SLC22A25: variants seen among roughly 807,000 people sequenced by gnomAD.
SLC22A25 encodes MGI:2442751, MGI:2385316, MGI:3042283, MGI:3645714, MGI:3605624, MGI:2442750.
In SLC22A25, 44 loss-of-function variants were observed where a neutral mutation model predicts 45.9. The observed-to-expected ratio is 0.96, with a 90% CI of 0.75 to 1.23. The LOEUF (loss-of-function observed/expected upper bound fraction) is 1.23, where lower values mean the gene tolerates loss of function less well. SLC22A25 is among the 50% of genes most tolerant of loss of function. The probability of loss-of-function intolerance (pLI) is 0.00; values close to 1 mark genes in which losing one functional copy is unlikely to be tolerated. For missense variants in SLC22A25, 800 were observed against 666.4 expected (o/e 1.20, Z -2.21); for synonymous variants, 283 against 238.6 (o/e 1.19, Z -1.72).
At position 63,217,614 on chromosome 11, in the gene SLC22A25, T is replaced by G; in HGVS notation, c.628A>C (p.Thr210Pro). Residue 210 changes from threonine (T) to proline (P), a missense_variant, in exon 6 of 12, where the codon ACA becomes CCA. Physicochemically the swap from Thr to Pro is conservative, Grantham distance 38 (BLOSUM62 -1). Coordinates refer to ENST00000306494, the MANE Select transcript of SLC22A25 (RefSeq NM_199352.6). ...CSLRFLAGAA[T>P]FSIIVNTVLL... ...ACAGTATTTACAATGATGCTAAATG[T>G]AGCAGCCCCAGCCAAGAAGCGCAGG... The G allele has an allele frequency of 1.9e-6, 3 of 1,613,800 alleles. No homozygotes were observed. Among genetic ancestry groups the G allele is most frequent in the Non-Finnish European group, 2.5e-6 (3 of 1,179,946 alleles).
rs1010166377 is a variant in SLC22A25 at position 63,162,130 on chromosome 11, A to T, written c.*1694T>A. ...GATGAGATTATTTGATTTTTCCTAT[A>T]GAGTTGTTTGAGCTCCTTATATATT... On this transcript the variant is annotated 3_prime_UTR_variant, in exon 12 of 12. Coordinates refer to ENST00000306494, the MANE Select transcript of SLC22A25 (RefSeq NM_199352.6). Among the ~76,000 whole-genome samples the T allele has an allele frequency of 6.6e-6, 1 of 152,104 alleles. No individual in the cohort carries two copies. Among genetic ancestry groups the T allele is most frequent in the Non-Finnish European group, 1.5e-5 (1 of 68,018 alleles).
At chr11:63,165,583 T>C (rs949100118) in intron 10 of SLC22A25, among the ~76,000 whole-genome samples, 6 of 152,206 alleles carry the variant, frequency 3.9e-5, no homozygotes, top group Admixed American at 3.3e-4. Flanking sequence ...TATGGTGACC[T>C]AATACAAGGC....
rs558335825 is a variant in SLC22A25, at chr11:63,193,718, G to A, written c.831-9901C>T. Among the ~76,000 whole-genome samples, 4 of 152,354 alleles carry A rather than the reference G, an allele frequency of 2.6e-5. No individual in the cohort carries two copies. In the East Asian group the frequency reaches 7.7e-4, roughly 29 times the overall value. On this transcript the variant is annotated intron_variant, in intron 7 of 11. Transcript: ENST00000306494. Reference sequence around the variant, plus strand: ...ACAAAGATGGGGAGAAACAAGAGCAGAAAAGCTGAAAATTCTAATAACCAG... The same window carrying A: ...ACAAAGATGGGGAGAAACAAGAGCAAAAAAGCTGAAAATTCTAATAACCAG...
At chr11:63,174,187 A>G (rs114858308) in intron 9 of SLC22A25, among the ~76,000 whole-genome samples, 1,754 of 152,146 alleles carry the variant, frequency 0.012, 30 homozygotes, top group African/African-American at 0.039. Flanking sequence ...GCTGAGAATG[A>G]GATGGTTTCC....
Position 63,164,585 on chromosome 11 carries a change from A to T in SLC22A25, c.1335T>A (p.Ala445=), listed in dbSNP as rs199548987. 36 of 1,613,796 alleles carry T rather than the reference A, an allele frequency of 2.2e-5. No homozygotes were observed. Among genetic ancestry groups the T allele is most frequent in the Non-Finnish European group, 2.9e-5 (34 of 1,179,860 alleles). Residue 445 remains alanine, a synonymous_variant, in exon 11 of 12, where the codon GCT becomes GCA. Coordinates refer to ENST00000306494, the MANE Select transcript of SLC22A25 (RefSeq NM_199352.6). ...VVLATLGVGA[A]SLGITCSTAQ... ...CAGTAGAACAGGTAATGCCAAGAGA[A>T]GCAGCTCCCACACCCAGGGTTGCCA... is the stretch of plus-strand genomic sequence containing the variant.
chr11:63,184,918 G>C (rs1304690235), intron 7 of SLC22A25, among the ~76,000 whole-genome samples: 2 of 152,110 alleles, frequency 1.3e-5, no homozygotes, highest in African/African-American at 4.8e-5. Flanking sequence ...ACGCAGTAGT[G>C]ATGGCTGACA....
In SLC22A25 at chr11:63,166,167, C is replaced by A. The variant is rs200677766; in HGVS notation, c.1162G>T (p.Val388Phe). The change falls in exon 10 of 12, where the codon GTC becomes TTC. Residue 388 changes from valine (V) to phenylalanine (F), a missense_variant. Val to Phe is a conservative substitution (Grantham distance 50). Coordinates refer to ENST00000306494, the MANE Select transcript of SLC22A25 (RefSeq NM_199352.6). ...GCAACACAATTGGCCAGGAGGGTGA[C>A]TGCACCAAAGAGAGTCTGCAACAGG... Reference protein sequence around the residue: ...VFLLQTLFGAVTLLANCVAPW... With the variant: ...VFLLQTLFGAFTLLANCVAPW... 3.7e-5 allele frequency: 59 copies of A among 1,613,906 alleles called. No individual in the cohort carries two copies. Among genetic ancestry groups the A allele is most frequent in the Non-Finnish European group, 5.0e-5 (59 of 1,179,960 alleles).
In SLC22A25 at chr11:63,164,598, C is replaced by A. The variant is rs773495843; in HGVS notation, c.1322G>T (p.Gly441Val). 6.2e-7 allele frequency: 1 copy of A among 1,613,824 alleles called. No individual in the cohort carries two copies. Among genetic ancestry groups the A allele is most frequent in the Non-Finnish European group, 8.5e-7 (1 of 1,179,824 alleles). ...QTLRVVLATL[G>V]VGAASLGITC... ...AATGCCAAGAGAAGCAGCTCCCACA[C>A]CCAGGGTTGCCAAAACCACACGCAG... Residue 441 changes from glycine (G) to valine (V), a missense_variant, in exon 11 of 12, where the codon GGT becomes GTT. By Grantham distance (109) the Gly-to-Val change is moderately radical. Coordinates refer to ENST00000306494, the MANE Select transcript of SLC22A25 (RefSeq NM_199352.6).
At chr11:63,200,127 A>G (rs2089192827) in intron 7 of SLC22A25, among the ~76,000 whole-genome samples, 1 of 151,970 alleles carries the variant, frequency 6.6e-6, no homozygotes, top group Non-Finnish European at 1.5e-5. Context: ...AAAATTGAGG[A>G]GTAGAAACTC....
At chr11:63,179,721 A>G (rs1403049424) in intron 9 of SLC22A25, among the ~76,000 whole-genome samples, 1 of 152,192 alleles carries the variant, frequency 6.6e-6, no homozygotes, top group Non-Finnish European at 1.5e-5. Context: ...GAAAATCAGT[A>G]TATCAGACAC....
chr11:63,233,539 A>G (rs1202508118), intron 3 of SLC22A25, among the ~76,000 whole-genome samples: 1 of 152,110 alleles, frequency 6.6e-6, no homozygotes. Context: ...GTTCTTTATT[A>G]GTCCTGCTAG....
chr11:63,181,071 A>G (rs772326351), intron 8 of SLC22A25, among the ~76,000 whole-genome samples: 3 of 152,116 alleles, frequency 2.0e-5, no homozygotes, highest in Non-Finnish European at 4.4e-5. Context: ...GGGGAAAAAA[A>G]TGAAGAGTTA....
At position 63,194,192 on chromosome 11, in the gene SLC22A25, T is replaced by C. The variant is rs549648597; in HGVS notation, c.831-10375A>G. 1.1e-4 allele frequency among the ~76,000 whole-genome samples: 17 copies of C among 152,248 alleles called. 1 individual carries two copies. The South Asian group carries it at 2.7e-3, about 24-fold the overall frequency. On this transcript the variant is annotated intron_variant, in intron 7 of 11. Transcript: ENST00000306494. ...AAAGACCAAATCTATGTTTGATTGA[T>C]GTACCTGAAAGTGATGGGGAGAACG...
rs2087519278 is a variant in SLC22A25, at chr11:63,159,688, G to A, written c.*4136C>T. ...TGTAAAGATACCCACAAATGTGGAA[G>A]CAACTTTGGAACTGGGGCAATATTT... On this transcript the variant is annotated 3_prime_UTR_variant, in exon 12 of 12. Coordinates refer to ENST00000306494, the MANE Select transcript of SLC22A25 (RefSeq NM_199352.6). Among the ~76,000 whole-genome samples the A allele has an allele frequency of 2.2e-5, 1 of 45,072 alleles. No individual in the cohort carries two copies. Among genetic ancestry groups the A allele is most frequent in the African/African-American group, 7.3e-5 (1 of 13,764 alleles). The allele number at this position is 45,072 out of a possible 152,430, so 29.6% of individuals were successfully genotyped here.
At chr11:63,228,428 C>T (rs753632375) in intron 5 of SLC22A25, 33 bp downstream of exon 5, 14 of 1,453,274 alleles carry the variant, frequency 9.6e-6, no homozygotes, top group Non-Finnish European at 1.1e-5. Flanking sequence ...ATGAAAATAC[C>T]CTTGAAGAGA....
At chr11:63,222,853 T>C (rs1265872751) in intron 5 of SLC22A25, among the ~76,000 whole-genome samples, 1 of 152,018 alleles carries the variant, frequency 6.6e-6, no homozygotes, top group Non-Finnish European at 1.5e-5. Flanking sequence ...TGTTTAATTT[T>C]ATCAAATGTT....
chr11:63,186,896 T>C (rs1350294321), intron 7 of SLC22A25, among the ~76,000 whole-genome samples: 1 of 152,126 alleles, frequency 6.6e-6, no homozygotes, highest in Non-Finnish European at 1.5e-5. Flanking sequence ...TCTGTTCCAT[T>C]GGTCTATATC....
chr11:63,192,858 C>G (rs2088865789), intron 7 of SLC22A25, among the ~76,000 whole-genome samples: 1 of 152,052 alleles, frequency 6.6e-6, no homozygotes, highest in Admixed American at 6.6e-5. Flanking sequence ...AGACCTTCAA[C>G]AAGAAAGATT....
intron 3 of SLC22A25, among the ~76,000 whole-genome samples, chr11:63,231,336 G>C (rs558251504): frequency 3.3e-5 from 5 of 152,012 alleles, no homozygotes; most frequent in African/African-American, 9.6e-5. Flanking sequence ...TTTTAATGAT[G>C]GCCATTCTAA....
Sources: allele counts gnomAD v4.1 joint callset (sites outside exome capture counted in the v4.1 genomes callset), GRCh38; gene constraint gnomAD v4.1.1; transcripts MANE v1.5; gene names NCBI Gene and HGNC (gene_info 2026-07-23, HGNC 2026-07-21).